Variants in ALK observed in about 807,000 individuals in gnomAD.
ALK encodes the protein ALK tyrosine kinase receptor.
In ALK, 74 loss-of-function variants were observed where a neutral mutation model predicts 163.1. The observed-to-expected ratio is 0.45, with a 90% CI of 0.38 to 0.55. The LOEUF (loss-of-function observed/expected upper bound fraction) is 0.55. ALK is among the 20% of genes least tolerant of loss of function. The pLI, the probability that ALK is intolerant of heterozygous loss-of-function variation, is 0.00. For missense variants in ALK, 2,063 were observed against 2,105.3 expected, an observed-to-expected ratio of 0.98 and a Z score of 0.39; for synonymous variants, 960 against 843.2, an observed-to-expected ratio of 1.14 and a Z score of -2.40.
chr2:29,271,532 G>A (rs1665385191), intron 11 of ALK, among the ~76,000 whole-genome samples: 1 of 152,160 alleles, frequency 6.6e-6, no homozygotes, highest in Admixed American at 6.5e-5. Flanking sequence ...AGCTGGAAAC[G>A]GGAAGGGACT....
Position 29,531,937 on chromosome 2 carries a change from T to G in ALK, c.1132A>C (p.Met378Leu). The change falls in exon 4 of 29, where the codon ATG becomes CTG. Residue 378 changes from methionine to leucine, a missense_variant. Transcript: ENST00000389048. ...TACCCATGCTTCCCTGGAGTGGGCA[T>G]CAGGAGGATCTCTCTTGCAGCCTCG... Reference protein sequence around the residue: ...HNEAAREILLMPTPGKHGWTV... With the variant: ...HNEAAREILLLPTPGKHGWTV... The G allele has an allele frequency of 6.2e-7, 1 of 1,614,108 alleles. No homozygotes were observed. The highest frequency in any genetic ancestry group is 1.1e-5 in the South Asian group (1 of 91,068).
chr2:29,755,012 AC>A (rs1259017718), intron 1 of ALK, among the ~76,000 whole-genome samples: 1 of 152,196 alleles, frequency 6.6e-6, no homozygotes, highest in Non-Finnish European at 1.5e-5. Flanking sequence ...GGCAGGAAGC[AC>A]CGTGATTCTG....
chr2:29,248,882 T>C (rs539558053), intron 12 of ALK, among the ~76,000 whole-genome samples: 1 of 152,362 alleles, frequency 6.6e-6, no homozygotes, highest in Non-Finnish European at 1.5e-5. Context: ...AGAAAAGTCT[T>C]TGGAGACAGG....
At chr2:29,237,209 T>C (rs1664408205) in intron 13 of ALK, among the ~76,000 whole-genome samples, 1 of 152,240 alleles carries the variant, frequency 6.6e-6, no homozygotes, top group South Asian at 2.1e-4. Context: ...GTCTAAGCCA[T>C]CATCATCTCT....
At chr2:29,405,472 T>A (rs1262730794) in intron 4 of ALK, among the ~76,000 whole-genome samples, 4 of 152,164 alleles carry the variant, frequency 2.6e-5, no homozygotes, top group Non-Finnish European at 5.9e-5. Context: ...TGTTTCATGC[T>A]GGGGTGACGG....
intron 1 of ALK, among the ~76,000 whole-genome samples, chr2:29,720,786 CT>C (rs1334020695): frequency 6.6e-6 from 1 of 152,140 alleles, no homozygotes. Context: ...GAAGGATTTT[CT>C]AGCAGAAAGA....
At chr2:29,699,926 T>C (rs903657053) in intron 2 of ALK, among the ~76,000 whole-genome samples, 2 of 152,196 alleles carry the variant, frequency 1.3e-5, no homozygotes, top group Non-Finnish European at 2.9e-5. Context: ...GCAGTGAGGA[T>C]GGTTCTGGGC....
At chr2:29,554,461 T>A (rs1673793593) in intron 3 of ALK, among the ~76,000 whole-genome samples, 1 of 152,144 alleles carries the variant, frequency 6.6e-6, no homozygotes, top group African/African-American at 2.4e-5. Flanking sequence ...CTTGGATGGG[T>A]TTTCATTTGG....
At chr2:29,263,346 T>C (rs1455069474) in intron 11 of ALK, among the ~76,000 whole-genome samples, 1 of 152,220 alleles carries the variant, frequency 6.6e-6, no homozygotes, top group East Asian at 1.9e-4. Flanking sequence ...AAGTCATTCC[T>C]GCTCATTGTT....
intron 1 of ALK, among the ~76,000 whole-genome samples, chr2:29,721,202 ACT>A (rs1415441544): frequency 6.6e-6 from 1 of 152,138 alleles, no homozygotes; most frequent in Non-Finnish European, 1.5e-5. Context: ...AGCTCTTGAC[ACT>A]CTGAATTTTT....
At chr2:29,194,654 A>ACC (rs796664002) in intron 28 of ALK, among the ~76,000 whole-genome samples, 1 of 46,092 alleles carries the variant, frequency 2.2e-5, no homozygotes, top group African/African-American at 7.8e-5. Context: ...CATGCACCCC[A>ACC]CCCCCCCACC....
intron 4 of ALK, among the ~76,000 whole-genome samples, chr2:29,391,747 T>C (rs1669180853): frequency 6.6e-6 from 1 of 152,292 alleles, no homozygotes; most frequent in Admixed American, 6.5e-5. Context: ...AATATAATAA[T>C]TAAGCAGCCA....
At position 29,573,005 on chromosome 2, in the gene ALK, G is replaced by A. The variant is rs150127931; in HGVS notation, c.953-40889C>T. On this transcript the variant is annotated intron_variant, in intron 3 of 28. Coordinates refer to ENST00000389048, the MANE Select transcript of ALK (RefSeq NM_004304.5). ...CCCTGGCTTCTGAGCTCACCATCCC[G>A]TCTCTAGTTCCAAAGCAGTTTTTAC... Among the ~76,000 whole-genome samples, 15 of 152,274 alleles carry A rather than the reference G, an allele frequency of 9.9e-5. No homozygotes were observed. In the East Asian group the frequency reaches 1.7e-3, roughly 18 times the overall value.
At chr2:29,704,357 T>G (rs1435612450) in intron 2 of ALK, among the ~76,000 whole-genome samples, 2 of 152,142 alleles carry the variant, frequency 1.3e-5, no homozygotes, top group Non-Finnish European at 2.9e-5. Flanking sequence ...TTCAGAGTCA[T>G]GAGGGACCTT....
chr2:29,617,791 A>T (rs183150325), intron 3 of ALK, among the ~76,000 whole-genome samples: 2 of 152,340 alleles, frequency 1.3e-5, no homozygotes, highest in Middle Eastern at 3.4e-3. Context: ...CTTCCTCGCC[A>T]TTCTAACAAG....
intron 1 of ALK, among the ~76,000 whole-genome samples, chr2:29,906,951 T>G (rs1323650108): frequency 2.2e-5 from 3 of 139,490 alleles, no homozygotes; most frequent in East Asian, 2.1e-4. Flanking sequence ...TTTTTTTTTT[T>G]TTTTTTTTTT....
chr2:29,695,318 G>C (rs13422423), intron 2 of ALK, among the ~76,000 whole-genome samples: 4 of 152,298 alleles, frequency 2.6e-5, no homozygotes, highest in East Asian at 1.9e-4. Flanking sequence ...TGAAGACATA[G>C]AGAGGGCCTG....
rs372612147 is a variant in ALK at position 29,193,712 on chromosome 2, C to A, written c.4375G>T (p.Ala1459Ser). The A allele has an allele frequency of 3.8e-5, 61 of 1,608,938 alleles. No homozygotes were observed. In the African/African-American group the frequency reaches 7.1e-4, roughly 19 times the overall value. Residue 1459 changes from alanine (A) to serine (S), a missense_variant, in exon 29 of 29, where the codon GCA becomes TCA. Ala to Ser is a moderately conservative substitution (Grantham distance 99, BLOSUM62 1). This residue lies in a region of ALK where 403 missense variants were observed against 366.2 expected (regional missense o/e 1.10). Coordinates refer to ENST00000389048, the MANE Select transcript of ALK (RefSeq NM_004304.5). ...CTAGGGACTCGAACAGAGATCTCTG[C>A]AGCTGTGGGTTTCTTTGCAGCCTTG... ...SGKAAKKPTA[A>S]EISVRVPRGP...
chr2:29,282,322 A>G (rs1665737718), intron 9 of ALK, among the ~76,000 whole-genome samples: 1 of 152,212 alleles, frequency 6.6e-6, no homozygotes, highest in Non-Finnish European at 1.5e-5. Context: ...TTAGAATAAT[A>G]TATGTGAAGA....
Sources: allele counts gnomAD v4.1 joint callset (sites outside exome capture counted in the v4.1 genomes callset), GRCh38; gene constraint gnomAD v4.1.1; regional missense constraint gnomAD v4.1.1; transcripts MANE v1.5; gene names NCBI Gene and HGNC (gene_info 2026-07-23, HGNC 2026-07-21).